The following HCN1 variants were observed in gnomAD, a reference collection of about 807,000 sequenced individuals.
The protein encoded by HCN1 is hyperpolarization activated cyclic nucleotide gated potassium channel 1.
A neutral mutation model predicts 78.9 loss-of-function variants in HCN1; 13 were observed. The observed-to-expected ratio is 0.16, with a 90% CI of 0.11 to 0.26. HCN1 has a LOEUF of 0.26. HCN1 is among the 10% of genes least tolerant of loss of function. HCN1 has a pLI of 1.00. For synonymous variants in HCN1, 552 were observed against 455.5 expected, an observed-to-expected ratio of 1.21 and a Z score of -2.70; for missense variants, 810 against 1,154.3, an observed-to-expected ratio of 0.70 and a Z score of 4.32.
chr5:45,675,050 G>C (rs1041281798), intron 1 of HCN1, among the ~76,000 whole-genome samples: 6 of 151,710 alleles, frequency 4.0e-5, no homozygotes, highest in African/African-American at 1.5e-4. Context: ...TATATAAGTG[G>C]CAATATGGTT....
intron 2 of HCN1, among the ~76,000 whole-genome samples, chr5:45,478,757 A>G (rs1175022696): frequency 6.6e-6 from 1 of 151,344 alleles, no homozygotes; most frequent in African/African-American, 2.4e-5. Flanking sequence ...GATTTTGTGC[A>G]GCAATACGAA....
At chr5:45,427,980 G>C (rs1481417625) in intron 3 of HCN1, among the ~76,000 whole-genome samples, 1 of 152,074 alleles carries the variant, frequency 6.6e-6, no homozygotes, top group African/African-American at 2.4e-5. Context: ...GTAGTATGGT[G>C]GAAAGAGGGT....
At chr5:45,593,265 A>C (rs929580793) in intron 2 of HCN1, among the ~76,000 whole-genome samples, 6 of 144,372 alleles carry the variant, frequency 4.2e-5, no homozygotes, top group Non-Finnish European at 6.1e-5. Flanking sequence ...CTAGCAGAGA[A>C]ATCCAGAGAC....
chr5:45,339,677 A>G (rs1439368785), intron 5 of HCN1, among the ~76,000 whole-genome samples: 1 of 152,168 alleles, frequency 6.6e-6, no homozygotes, highest in Non-Finnish European at 1.5e-5. Flanking sequence ...GCTAATTGAC[A>G]TTCAAGCCAG....
Position 45,586,565 on chromosome 5 carries a change from A to T in HCN1, c.849+58620T>A, listed in dbSNP as rs184563243. 3.8e-3 allele frequency among the ~76,000 whole-genome samples: 577 copies of T among 152,214 alleles called. 3 individuals are homozygous for T. The highest frequency in any genetic ancestry group is 0.013 in the African/African-American group (556 of 41,550). On this transcript the variant is annotated intron_variant, in intron 2 of 7. Coordinates refer to ENST00000303230, the MANE Select transcript of HCN1 (RefSeq NM_021072.4). ...CTGTCTGACACTCCCCAGTAAGATG[A>T]ACCCGGTACCTCAGTTGGAAATGCA...
intron 4 of HCN1, among the ~76,000 whole-genome samples, chr5:45,363,381 T>G (rs576944349): frequency 6.6e-6 from 1 of 151,286 alleles, no homozygotes; most frequent in African/African-American, 2.4e-5. Flanking sequence ...GAGGTGTAGG[T>G]TACACCACAT....
chr5:45,426,655 C>A (rs1027927529), intron 3 of HCN1, among the ~76,000 whole-genome samples: 2 of 152,108 alleles, frequency 1.3e-5, no homozygotes, highest in Non-Finnish European at 2.9e-5. Context: ...AACCTCTTTC[C>A]TTTATAAATT....
At chr5:45,345,955 A>T (rs543426110) in intron 5 of HCN1, among the ~76,000 whole-genome samples, 2 of 152,264 alleles carry the variant, frequency 1.3e-5, no homozygotes, top group African/African-American at 2.4e-5. Context: ...TAAAGGAAAG[A>T]GGTTTATTTG....
At chr5:45,399,928 C>A (rs1219022384) in intron 3 of HCN1, among the ~76,000 whole-genome samples, 5 of 152,020 alleles carry the variant, frequency 3.3e-5, no homozygotes, top group African/African-American at 1.2e-4. Flanking sequence ...TAAACTCATG[C>A]AAAAACTCTT....
intron 2 of HCN1, among the ~76,000 whole-genome samples, chr5:45,625,646 A>C (rs1008413517): frequency 2.0e-5 from 3 of 152,250 alleles, no homozygotes; most frequent in East Asian, 3.9e-4. Context: ...AAAACCCTAC[A>C]GCTTTTTTTT....
At chr5:45,382,832 C>A (rs1195506312) in intron 4 of HCN1, among the ~76,000 whole-genome samples, 14 of 151,940 alleles carry the variant, frequency 9.2e-5, no homozygotes, top group Non-Finnish European at 1.2e-4. Context: ...ATGAATACAC[C>A]CAATTCTTCA....
chr5:45,647,784 T>A (rs1484750727), intron 1 of HCN1, among the ~76,000 whole-genome samples: 2 of 152,118 alleles, frequency 1.3e-5, no homozygotes, highest in African/African-American at 4.8e-5. Flanking sequence ...TATGTGTGAT[T>A]TGCAAGCCAG....
intron 4 of HCN1, among the ~76,000 whole-genome samples, chr5:45,388,375 T>A (rs1747970176): frequency 6.6e-6 from 1 of 152,088 alleles, no homozygotes; most frequent in Non-Finnish European, 1.5e-5. Flanking sequence ...TGAGAAGAAG[T>A]AATATGCCTG....
chr5:45,352,952 T>G (rs900325369), intron 5 of HCN1, 148 bp downstream of exon 5: 1 of 641,260 alleles, frequency 1.6e-6, no homozygotes, highest in Non-Finnish European at 2.7e-6. Context: ...TAAGAGCTTA[T>G]GTAGGTGAGA....
At chr5:45,350,459 T>C (rs1255865759) in intron 5 of HCN1, among the ~76,000 whole-genome samples, 1 of 152,088 alleles carries the variant, frequency 6.6e-6, no homozygotes, top group Non-Finnish European at 1.5e-5. Flanking sequence ...CTTTGAAAAC[T>C]GCCACAAGAC....
intron 5 of HCN1, among the ~76,000 whole-genome samples, chr5:45,349,171 G>A (rs1229250570): frequency 2.6e-5 from 4 of 152,064 alleles, no homozygotes; most frequent in African/African-American, 9.7e-5. Context: ...ATAACAAACT[G>A]TCTCTCAGAC....
rs1210166186 is a variant in HCN1, at chr5:45,262,743, C to T, written c.1851G>A (p.Gln617=). 2 of 1,613,996 alleles carry T rather than the reference C, an allele frequency of 1.2e-6. No homozygotes were observed. The highest frequency in any genetic ancestry group is 1.7e-6 in the Non-Finnish European group (2 of 1,180,028). The change falls in exon 8 of 8, where the codon CAG becomes CAA. Residue 617 remains glutamine (Q), a synonymous_variant. Transcript: ENST00000303230. ...CAATCTGCTTGAGGATTTCGTTCTC[C>T]TGATTGTTGAAAACACCAGTGTTCA... ...KDLNTGVFNN[Q]ENEILKQIVK... is the part of the protein sequence containing the mutation.
At chr5:45,458,330 A>C (rs1398586465) in intron 3 of HCN1, among the ~76,000 whole-genome samples, 2 of 152,194 alleles carry the variant, frequency 1.3e-5, no homozygotes, top group East Asian at 3.9e-4. Context: ...AAACATAAAG[A>C]ATTTGTTAGA....
intron 2 of HCN1, among the ~76,000 whole-genome samples, chr5:45,534,274 A>C (rs952414646): frequency 2.6e-5 from 4 of 151,178 alleles, no homozygotes; most frequent in African/African-American, 9.7e-5. Flanking sequence ...GCAGGCGCCT[A>C]TAGTCCCAGC....
Sources: allele counts gnomAD v4.1 joint callset (sites outside exome capture counted in the v4.1 genomes callset), GRCh38; gene constraint gnomAD v4.1.1; transcripts MANE v1.5; gene names NCBI Gene and HGNC (gene_info 2026-07-23, HGNC 2026-07-21).